Variants in NEMP2 observed in about 807,000 individuals in gnomAD.
NEMP2 encodes nuclear envelope integral membrane protein 2.
Under a neutral mutation model 54.2 loss-of-function variants are expected in NEMP2, and 53 were observed. That is an observed-to-expected ratio of 0.98 (90% CI 0.78 to 1.23). NEMP2 has a LOEUF of 1.23. Among genes scored for constraint, NEMP2 ranks in the 50% most tolerant of loss-of-function variants. The pLI is 0.00. For missense variants in NEMP2, 455 were observed against 511.3 expected (o/e 0.89, Z 1.06); for synonymous variants, 197 against 190.3 (o/e 1.04, Z -0.29).
chr2:190,559,933 A>G, the NEMP2 span, among the ~76,000 whole-genome samples: 1 of 152,134 alleles, frequency 6.6e-6, no homozygotes, highest in African/African-American at 2.4e-5. The surrounding 1 kb of genome is among the most constrained non-coding windows in gnomAD (Gnocchi z 4.0). Flanking sequence ...ATCTAAAAGG[A>G]GGAGGTGAGT....
chr2:190,571,500 G>A, the NEMP2 span, among the ~76,000 whole-genome samples: 13 of 151,954 alleles, frequency 8.6e-5, no homozygotes, highest in East Asian at 1.9e-4. Context: ...CCAAGATCCC[G>A]CCACTGCACT....
chr2:190,623,690 A>G, the NEMP2 span, among the ~76,000 whole-genome samples: 2 of 152,230 alleles, frequency 1.3e-5, no homozygotes, highest in Non-Finnish European at 2.9e-5. Context: ...CAAATCTAAG[A>G]CCTAAAACTA....
chr2:190,534,487 C>A, intron 1 of NEMP2, 72 bp downstream of exon 1: 1 of 1,299,446 alleles, frequency 7.7e-7, no homozygotes. Flanking sequence ...CCAAAGAGCG[C>A]GCCCTCAGGG....
chr2:190,549,839 T>C, the NEMP2 span, among the ~76,000 whole-genome samples: 2 of 152,200 alleles, frequency 1.3e-5, no homozygotes, highest in South Asian at 2.1e-4. Flanking sequence ...AAATTAGATT[T>C]CAAAGCAAAA....
chr2:190,488,930 C>A, the NEMP2 span: 1 of 1,051,016 alleles, frequency 9.5e-7, no homozygotes, highest in African/African-American at 1.6e-5. This position sits in a 1 kb window ranked among gnomAD's most constrained non-coding sequence, Gnocchi z 6.4. Context: ...AAGCTAAATT[C>A]CAGTATTCAT....
rs2125293381 is a variant in NEMP2 at position 190,504,685 on chromosome 2, T to C, written c.*4504A>G. 6.6e-6 allele frequency: 1 copy of C among 152,330 alleles called. No homozygotes were observed. The highest frequency in any genetic ancestry group is 1.9e-4 in the East Asian group (1 of 5,186). The allele number at this position is 152,330 out of a possible 1,614,324, so 9.4% of individuals were successfully genotyped here. A position where few individuals can be genotyped will look rare whatever the true frequency, so the allele number is the denominator to read the frequency against. On this transcript the variant is annotated 3_prime_UTR_variant, in exon 9 of 9. Coordinates refer to ENST00000409150, the MANE Select transcript of NEMP2 (RefSeq NM_001142645.2). The surrounding 1 kb of genome is among the most constrained non-coding windows in gnomAD (Gnocchi z 5.6). The stretch of plus-strand genomic sequence containing the variant: ...TTTTATAATCATTTAACAAATTATA[T>C]ACCATACTCTCTCCAATAGTCAGTG...
chr2:190,468,200 C>T, the NEMP2 span, among the ~76,000 whole-genome samples: 1 of 152,114 alleles, frequency 6.6e-6, no homozygotes, highest in South Asian at 2.1e-4. Context: ...TTTTCTCCTC[C>T]AAACACACAA....
the NEMP2 span, among the ~76,000 whole-genome samples, chr2:190,645,519 T>C: frequency 6.6e-6 from 1 of 152,228 alleles, no homozygotes; most frequent in African/African-American, 2.4e-5. Flanking sequence ...ACACTTCTAT[T>C]AGGAAATACA....
chr2:190,468,752 CTCAG>C, the NEMP2 span, among the ~76,000 whole-genome samples: 2 of 151,842 alleles, frequency 1.3e-5, no homozygotes, highest in East Asian at 3.9e-4. Flanking sequence ...AGTCAATACA[CTCAG>C]TCAGGAATGA....
the NEMP2 span, among the ~76,000 whole-genome samples, chr2:190,595,157 G>A: frequency 1.3e-4 from 20 of 152,270 alleles, no homozygotes; most frequent in East Asian, 2.9e-3. The surrounding 1 kb of genome is among the most constrained non-coding windows in gnomAD (Gnocchi z 4.0). Flanking sequence ...TGGGGGAAAG[G>A]ATTCCCTATT....
chr2:190,631,108 C>T, the NEMP2 span, among the ~76,000 whole-genome samples: 1 of 152,106 alleles, frequency 6.6e-6, no homozygotes, highest in African/African-American at 2.4e-5. Flanking sequence ...CCAAGCGTAT[C>T]AGCTACAAAA....
intron 1 of NEMP2, 64 bp downstream of exon 1, chr2:190,534,494 AG>A: frequency 7.6e-7 from 1 of 1,314,594 alleles, no homozygotes; most frequent in Non-Finnish European, 9.6e-7. Flanking sequence ...GCGCGCCCTC[AG>A]GGCAGCCGCG....
chr2:190,517,293 G>T (rs1369527485), intron 5 of NEMP2, among the ~76,000 whole-genome samples: 3 of 150,366 alleles, frequency 2.0e-5, no homozygotes, highest in South Asian at 4.3e-4. Flanking sequence ...GAAAGCAAAG[G>T]GGTCTCAAAA....
chr2:190,521,542 TTCCC>T lies in NEMP2; in HGVS notation c.214-2363_214-2360del, dbSNP rs1050198443. ...AAACAACCTTCTGTGGACTCCACTTTTCCCTCCAACTACCACCCATTTCTTTGCT... is the reference window on the plus strand; with the variant it reads ...AAACAACCTTCTGTGGACTCCACTTTTCCAACTACCACCCATTTCTTTGCT... On this transcript the variant is annotated intron_variant, in intron 2 of 8. Transcript: ENST00000409150. The surrounding 1 kb of genome is among the most constrained non-coding windows in gnomAD (Gnocchi z 6.2). 1.3e-5 allele frequency among the ~76,000 whole-genome samples: 2 copies of T among 152,200 alleles called. No individual in the cohort carries two copies. Among genetic ancestry groups the T allele is most frequent in the African/African-American group, 4.8e-5 (2 of 41,460 alleles).
the NEMP2 span, among the ~76,000 whole-genome samples, chr2:190,451,721 A>G: frequency 6.6e-6 from 1 of 152,346 alleles, no homozygotes; most frequent in Non-Finnish European, 1.5e-5. This position sits in a 1 kb window ranked among gnomAD's most constrained non-coding sequence, Gnocchi z 5.0. Flanking sequence ...GGACAGAGAA[A>G]ACCACACATG....
the NEMP2 span, among the ~76,000 whole-genome samples, chr2:190,579,275 T>C: frequency 1.3e-5 from 2 of 151,446 alleles, no homozygotes; most frequent in African/African-American, 4.9e-5. Context: ...GAATACATAA[T>C]TTTAAAGACA....
chr2:190,502,283 C>T (rs1410279878), downstream of NEMP2: 1 of 152,144 alleles, frequency 6.6e-6, no homozygotes, highest in Non-Finnish European at 1.5e-5. This position sits in a 1 kb window ranked among gnomAD's most constrained non-coding sequence, Gnocchi z 4.4. Context: ...CATATGCTAC[C>T]TTAAAAAATA....
the NEMP2 span, among the ~76,000 whole-genome samples, chr2:190,597,396 T>C: frequency 1.3e-5 from 2 of 152,180 alleles, no homozygotes; most frequent in Non-Finnish European, 2.9e-5. This position sits in a 1 kb window ranked among gnomAD's most constrained non-coding sequence, Gnocchi z 4.7. Flanking sequence ...ATATAGTTTT[T>C]GTACTTTTGG....
At chr2:190,501,083 A>G (rs1690001359), downstream of NEMP2, 1 of 152,212 alleles carries the variant, frequency 6.6e-6, no homozygotes, top group Admixed American at 6.5e-5. Flanking sequence ...TTCAGGCTCT[A>G]ATTAGCTGAG....
Sources: allele counts gnomAD v4.1 joint callset (sites outside exome capture counted in the v4.1 genomes callset), GRCh38; gene constraint gnomAD v4.1.1; non-coding constraint Gnocchi (gnomAD v3.1); transcripts MANE v1.5; gene names NCBI Gene and HGNC (gene_info 2026-07-23, HGNC 2026-07-21).